Variants in CIMAP1C observed in about 807,000 individuals in gnomAD.
The protein encoded by CIMAP1C is ciliary microtubule associated protein 1C.
chr15:75,727,220 C>A, the CIMAP1C span: 1 of 1,614,178 alleles, frequency 6.2e-7, no homozygotes, highest in Non-Finnish European at 8.5e-7. Flanking sequence ...CTTGCTGGGG[C>A]CCAACACCCC....
chr15:75,725,967 A>T, the CIMAP1C span: 1 of 741,260 alleles, frequency 1.3e-6, no homozygotes, highest in Non-Finnish European at 2.3e-6. Flanking sequence ...CAGAATCTGA[A>T]GTGGGAGGGA....
At chr15:75,726,222 G>A in the CIMAP1C span, 5 of 1,218,076 alleles carry the variant, frequency 4.1e-6, no homozygotes, top group Non-Finnish European at 6.0e-6. Flanking sequence ...TGGGGGGTGG[G>A]GTGCACCCTT....
At chr15:75,725,128 C>T in the CIMAP1C span, 6 of 1,613,966 alleles carry the variant, frequency 3.7e-6, no homozygotes, top group South Asian at 5.5e-5. Context: ...CGCCAAGTAC[C>T]TCCGGCCATC....
chr15:75,725,491 T>C, the CIMAP1C span, among the ~76,000 whole-genome samples: 1 of 152,266 alleles, frequency 6.6e-6, no homozygotes, highest in East Asian at 1.9e-4. Flanking sequence ...GCCCTTCAGC[T>C]CCGGTCGCCA....
the CIMAP1C span, chr15:75,727,391 G>T: frequency 6.2e-7 from 1 of 1,613,962 alleles, no homozygotes; most frequent in Admixed American, 1.7e-5. Flanking sequence ...CAAGCGCTTC[G>T]CCTACCCTCT....
At chr15:75,727,647 G>A in the CIMAP1C span, 1 of 1,102,866 alleles carries the variant, frequency 9.1e-7, no homozygotes, top group East Asian at 2.4e-5. Flanking sequence ...TACCTGCTGA[G>A]TGTCCGGCAC....
At chr15:75,724,489 GGGA>G in the CIMAP1C span, among the ~76,000 whole-genome samples, 4 of 152,254 alleles carry the variant, frequency 2.6e-5, no homozygotes, top group Non-Finnish European at 5.9e-5. Context: ...AAGTGGGTGG[GGGA>G]GGAGGGGAGC....
At chr15:75,727,426 C>T in the CIMAP1C span, 113 of 1,613,960 alleles carry the variant, frequency 7.0e-5, no homozygotes, top group African/African-American at 9.6e-4. Flanking sequence ...GGCCTGGCCC[C>T]GGCTCCCACG....
At chr15:75,726,157 G>A in the CIMAP1C span, 205 of 1,608,960 alleles carry the variant, frequency 1.3e-4, no homozygotes, top group Non-Finnish European at 1.5e-4. Flanking sequence ...ATGGAGGAGC[G>A]CATCTCCAAC....
the CIMAP1C span, chr15:75,725,910 C>T: frequency 1.6e-6 from 1 of 609,368 alleles, no homozygotes. Context: ...TTAAAAGTCC[C>T]ATTTTACAGA....
chr15:75,727,431 C>T, the CIMAP1C span: 1 of 1,614,016 alleles, frequency 6.2e-7, no homozygotes, highest in Non-Finnish European at 8.5e-7. Flanking sequence ...GGCCCCGGCT[C>T]CCACGAGGTC....
At chr15:75,727,625 T>C in the CIMAP1C span, 1 of 1,354,966 alleles carries the variant, frequency 7.4e-7, no homozygotes, top group East Asian at 2.3e-5. Flanking sequence ...AGATTTCTAG[T>C]AGCAGAGCCG....
chr15:75,724,832 G>A, the CIMAP1C span, among the ~76,000 whole-genome samples: 1 of 152,194 alleles, frequency 6.6e-6, no homozygotes, highest in African/African-American at 2.4e-5. Context: ...AATAATCCAC[G>A]TCGGATGCCT....
At chr15:75,727,576 A>G in the CIMAP1C span, 40 of 1,517,200 alleles carry the variant, frequency 2.6e-5, 1 homozygote, top group South Asian at 4.6e-4. Context: ...CCTCATCCCC[A>G]GAAATTATTT....
chr15:75,724,071 T>C, the CIMAP1C span: 3 of 654,294 alleles, frequency 4.6e-6, no homozygotes, highest in East Asian at 8.1e-5. Flanking sequence ...GCTGGAGAAC[T>C]GTCTTCCTTC....
the CIMAP1C span, chr15:75,725,224 C>T: frequency 4.5e-5 from 71 of 1,585,902 alleles, no homozygotes; most frequent in African/African-American, 6.7e-5. Context: ...GAAGCGTGAG[C>T]GTTGCCACCC....
At chr15:75,724,227 T>C in the CIMAP1C span, 4 of 1,614,048 alleles carry the variant, frequency 2.5e-6, no homozygotes, top group Middle Eastern at 3.3e-4. Flanking sequence ...GACCAGGAGC[T>C]CTGTGTACTT....
the CIMAP1C span, chr15:75,725,992 G>A: frequency 9.8e-7 from 1 of 1,025,062 alleles, no homozygotes; most frequent in Non-Finnish European, 1.5e-6. Flanking sequence ...TTGCCTGGAG[G>A]CAGGCCAGGT....
At chr15:75,726,817 T>G in the CIMAP1C span, among the ~76,000 whole-genome samples, 54 of 152,246 alleles carry the variant, frequency 3.5e-4, no homozygotes, top group Admixed American at 4.6e-4. Context: ...GGTTTCACCA[T>G]GTTGGTCAGG....
Sources: gnomAD v4.1 joint callset for allele counts (sites outside exome capture counted in the v4.1 genomes callset) on GRCh38, gnomAD v4.1.1 for gene constraint, MANE v1.5 for transcripts, NCBI Gene and HGNC (gene_info 2026-07-23, HGNC 2026-07-21) for gene names.